The following SERAC1 variants were observed in gnomAD, a reference collection of about 807,000 sequenced individuals.
SERAC1 encodes the protein protein SERAC1.
Under a neutral mutation model 85.7 loss-of-function variants are expected in SERAC1, and 36 were observed. That is an observed-to-expected ratio of 0.42 (90% CI 0.32 to 0.55). The LOEUF (loss-of-function observed/expected upper bound fraction) is 0.55, where lower values mean the gene tolerates loss of function less well. Among genes scored for constraint, SERAC1 ranks in the 20% least tolerant of loss-of-function variants. SERAC1 has a pLI of 0.11. For synonymous variants in SERAC1, 242 were observed against 265.3 expected (o/e 0.91, Z 0.85); for missense variants, 629 against 796.2 (o/e 0.79, Z 2.53).
chr6:158,143,243 A>T (rs1029579115), intron 7 of SERAC1, 59 bp from the exon 8 acceptor site: 242 of 1,583,766 alleles, frequency 1.5e-4, no homozygotes, highest in Non-Finnish European at 2.0e-4. Flanking sequence ...ACAACAAAAA[A>T]TATCCAAAGA....
intron 10 of SERAC1, among the ~76,000 whole-genome samples, chr6:158,127,060 A>C (rs1429341936): frequency 6.6e-6 from 1 of 152,078 alleles, no homozygotes; most frequent in Non-Finnish European, 1.5e-5. Flanking sequence ...CAAAAAAAAA[A>C]AAAAATTACA....
At chr6:158,130,706 G>A (rs535336044) in intron 8 of SERAC1, among the ~76,000 whole-genome samples, 179 of 152,238 alleles carry the variant, frequency 1.2e-3, no homozygotes, top group South Asian at 8.7e-3. Flanking sequence ...CTGTGTCCTC[G>A]TCAAGTCTCT....
At chr6:158,113,690 G>C in intron 15 of SERAC1, 98 bp from the exon 16 acceptor site, 1 of 1,133,738 alleles carries the variant, frequency 8.8e-7, no homozygotes, top group South Asian at 1.7e-5. Context: ...TTAGAATTCT[G>C]ATTCAAGACG....
chr6:158,146,736 C>T, intron 6 of SERAC1, 46 bp downstream of exon 6: 2 of 1,607,882 alleles, frequency 1.2e-6, no homozygotes, highest in Non-Finnish European at 1.7e-6. Flanking sequence ...TGTCAGCAAT[C>T]AAGAGCCAGC....
intron 8 of SERAC1, 59 bp from the exon 9 acceptor site, chr6:158,130,545 C>CAA: frequency 9.8e-7 from 1 of 1,018,620 alleles, no homozygotes; most frequent in Non-Finnish European, 1.4e-6. Flanking sequence ...TTTTGTTTGA[C>CAA]AAAAAAAAAG....
chr6:158,149,772 G>A (rs1471343044), intron 4 of SERAC1, among the ~76,000 whole-genome samples: 4 of 152,196 alleles, frequency 2.6e-5, no homozygotes, highest in African/African-American at 2.4e-5. Flanking sequence ...ACACAGGCGA[G>A]CAGCAGAGCC....
rs755881720 is a variant in SERAC1 at position 158,143,048 on chromosome 6, G to A, written c.738+8C>T. ...AAAAATATTTACTGAATGAATACAT[G>A]AACTAACCTTCTGAGCAGCTAGACT... On this transcript the variant is annotated splice_region_variant and intron_variant, in intron 8 of 16. Coordinates refer to ENST00000647468, the MANE Select transcript of SERAC1 (RefSeq NM_032861.4). The A allele has an allele frequency of 6.2e-7, 1 of 1,603,704 alleles. No individual in the cohort carries two copies. Among genetic ancestry groups the A allele is most frequent in the Non-Finnish European group, 8.5e-7 (1 of 1,174,600 alleles).
At chr6:158,113,393 A>G in intron 16 of SERAC1, 56 bp downstream of exon 16, 2 of 1,473,364 alleles carry the variant, frequency 1.4e-6, no homozygotes, top group South Asian at 2.5e-5. Context: ...GTTTACAAGT[A>G]AATGCTAGGT....
chr6:158,138,889 TTCA>T (rs1164636306), intron 8 of SERAC1, among the ~76,000 whole-genome samples: 1 of 152,208 alleles, frequency 6.6e-6, no homozygotes, highest in African/African-American at 2.4e-5. Context: ...TAAATTGGAC[TTCA>T]TCAAAAATGT....
chr6:158,155,441 A>G lies in SERAC1; in HGVS notation c.92-90T>C, dbSNP rs140443020. ...CAGTGTAAGTCTCTACCTATATCATATATTATCAGATAAGAAGTTATTATT... is the reference window on the plus strand; with the variant it reads ...CAGTGTAAGTCTCTACCTATATCATGTATTATCAGATAAGAAGTTATTATT... On this transcript the variant is annotated intron_variant, in intron 2 of 16. Transcript: ENST00000647468. 6.8e-4 allele frequency: 472 copies of G among 693,234 alleles called. 2 individuals carry two copies. The African/African-American group carries it at 8.0e-3, about 12-fold the overall frequency. 42.9% of individuals were successfully genotyped at this position (693,234 alleles called of 1,614,324 possible).
intron 8 of SERAC1, among the ~76,000 whole-genome samples, chr6:158,139,811 T>C (rs371337918): frequency 6.6e-6 from 1 of 152,140 alleles, no homozygotes; most frequent in East Asian, 1.9e-4. Flanking sequence ...CCAAAGAAGA[T>C]ATGTAAGTGC....
chr6:158,131,218 A>T (rs1366825978), intron 8 of SERAC1, among the ~76,000 whole-genome samples: 1 of 150,610 alleles, frequency 6.6e-6, no homozygotes, highest in Non-Finnish European at 1.5e-5. Flanking sequence ...CTATTATAGA[A>T]ATACAAGCAC....
intron 8 of SERAC1, among the ~76,000 whole-genome samples, chr6:158,135,610 C>T (rs1043979511): frequency 2.0e-5 from 3 of 146,880 alleles, no homozygotes; most frequent in Middle Eastern, 3.7e-3. Flanking sequence ...CAATATTATA[C>T]CAATATTAAA....
chr6:158,154,334 G>A (rs1160926792), intron 3 of SERAC1, among the ~76,000 whole-genome samples: 1 of 152,070 alleles, frequency 6.6e-6, no homozygotes, highest in Admixed American at 6.5e-5. Flanking sequence ...ATAATTGTGA[G>A]CTAGACAAAC....
chr6:158,149,035 G>C (rs1423148429), intron 4 of SERAC1, 81 bp from the exon 5 acceptor site: 1 of 1,051,144 alleles, frequency 9.5e-7, no homozygotes, highest in Non-Finnish European at 1.4e-6. Flanking sequence ...TGTCGCCCAG[G>C]TTGGAGTGCA....
chr6:158,113,700 G>A lies in SERAC1; in HGVS notation c.1685-108C>T, dbSNP rs556398101. 119 of 1,020,972 alleles carry A rather than the reference G, an allele frequency of 1.2e-4. No individual in the cohort carries two copies. In the African/African-American group the frequency reaches 1.7e-3, roughly 14 times the overall value. 63.2% of individuals were successfully genotyped at this position (1,020,972 alleles called of 1,614,324 possible). On this transcript the variant is annotated intron_variant, in intron 15 of 16. Transcript: ENST00000647468. ...GGAAATTAGAATTCTGATTCAAGAC[G>A]GTGGCTTGAGTACACATGTTTATTT...
At chr6:158,132,026 G>A (rs529772387) in intron 8 of SERAC1, among the ~76,000 whole-genome samples, 75 of 152,122 alleles carry the variant, frequency 4.9e-4, no homozygotes, top group African/African-American at 1.7e-3. Flanking sequence ...TGTGTGTGTT[G>A]GGGTAGGAGA....
rs142859627 is a variant in SERAC1 at position 158,122,923 on chromosome 6, G to A, written c.1016-2348C>T. Among the ~76,000 whole-genome samples, 448 of 152,190 alleles carry A rather than the reference G, an allele frequency of 2.9e-3. 1 individual carries two copies. Among genetic ancestry groups the A allele is most frequent in the African/African-American group, 0.01 (425 of 41,514 alleles). Reference sequence around the variant, plus strand: ...TCATTCCTTTGAACTATAGTATTACGTCACATGAGTACGCCATTGTTTAAC... The same window carrying A: ...TCATTCCTTTGAACTATAGTATTACATCACATGAGTACGCCATTGTTTAAC... On this transcript the variant is annotated intron_variant, in intron 10 of 16. Coordinates refer to ENST00000647468, the MANE Select transcript of SERAC1 (RefSeq NM_032861.4).
At chr6:158,151,507 T>C (rs555453859) in intron 3 of SERAC1, among the ~76,000 whole-genome samples, 7 of 152,208 alleles carry the variant, frequency 4.6e-5, no homozygotes, top group Admixed American at 3.3e-4. Flanking sequence ...CCGCAAGCTC[T>C]ACCTCCTGGG....
Sources: allele counts gnomAD v4.1 joint callset (sites outside exome capture counted in the v4.1 genomes callset), GRCh38; gene constraint gnomAD v4.1.1; transcripts MANE v1.5; gene names NCBI Gene and HGNC (gene_info 2026-07-23, HGNC 2026-07-21).